PNPLA5: variants seen among roughly 807,000 people sequenced by gnomAD.
PNPLA5 encodes the protein patatin-like phospholipase domain-containing protein 5.
A neutral mutation model predicts 49.1 loss-of-function variants in PNPLA5; 44 were observed. That is an observed-to-expected ratio of 0.90 (90% CI 0.70 to 1.15). PNPLA5 has a LOEUF of 1.15. Ranked by LOEUF, PNPLA5 falls within the 50% of genes most tolerant of loss-of-function variation. The pLI is 0.00. For missense variants in PNPLA5, 603 were observed against 564.0 expected (o/e 1.07, Z -0.70); for synonymous variants, 243 against 244.4 (o/e 0.99, Z 0.06).
intron 8 of PNPLA5, 21 bp downstream of exon 8, chr22:43,881,537 C>T (rs1399065877): frequency 6.4e-7 from 1 of 1,560,968 alleles, no homozygotes; most frequent in Non-Finnish European, 8.7e-7. Flanking sequence ...CCTCTCCATC[C>T]CTGCCCTCTG....
intron 1 of PNPLA5, 30 bp downstream of exon 1, chr22:43,891,658 C>T (rs2049724697): frequency 2.0e-6 from 3 of 1,519,106 alleles, no homozygotes; most frequent in African/African-American, 2.8e-5. Flanking sequence ...CTGTCCCCGC[C>T]CCTTTTCGCC....
At chr22:43,889,301 T>C in intron 4 of PNPLA5, 28 bp downstream of exon 4, 1 of 1,611,568 alleles carries the variant, frequency 6.2e-7, no homozygotes, top group South Asian at 1.1e-5. Context: ...TGGCCAAGCC[T>C]CTAACACCAT....
At chr22:43,891,483 CAG>C (rs1434671503) in intron 1 of PNPLA5, 189 bp from the exon 2 acceptor site, 1 of 925,878 alleles carries the variant, frequency 1.1e-6, no homozygotes, top group Non-Finnish European at 1.3e-6. Flanking sequence ...ACCTGGGAAA[CAG>C]AGTTTCTGGC....
chr22:43,891,329 C>A, intron 1 of PNPLA5, 35 bp from the exon 2 acceptor site: 7 of 1,526,822 alleles, frequency 4.6e-6, no homozygotes, highest in Non-Finnish European at 6.1e-6. Context: ...GACCTCAGCG[C>A]CCAGGGATCC....
In PNPLA5 at chr22:43,891,780, C is replaced by T. The variant is rs748649202; in HGVS notation, c.101G>A (p.Arg34Gln). The T allele has an allele frequency of 1.3e-6, 2 of 1,530,966 alleles. No individual in the cohort carries two copies. Among genetic ancestry groups the T allele is most frequent in the South Asian group, 2.5e-5 (2 of 81,342 alleles). 94.8% of individuals were successfully genotyped at this position (1,530,966 alleles called of 1,614,324 possible). Residue 34 changes from arginine to glutamine, a missense_variant, in exon 1 of 9, where the codon CGA (arginine) becomes CAA (glutamine). Coordinates refer to ENST00000216177, the MANE Select transcript of PNPLA5 (RefSeq NM_138814.4). ...HVGATECLRQ[R>Q]APRLLQGARR... ...GGCGCCCTGGAGGAGGCGCGGGGCT[C>T]GCTGGCGCAGGCATTCGGTGGCGCC...
chr22:43,889,720 T>C (rs1053145109), intron 3 of PNPLA5, 79 bp downstream of exon 3: 2 of 1,539,344 alleles, frequency 1.3e-6, no homozygotes, highest in Non-Finnish European at 1.7e-6. Flanking sequence ...GAGCGCTGGT[T>C]TCCTCCACCC....
At chr22:43,885,969 C>G (rs1369986842) in intron 6 of PNPLA5, among the ~76,000 whole-genome samples, 1 of 152,232 alleles carries the variant, frequency 6.6e-6, no homozygotes, top group African/African-American at 2.4e-5. Context: ...CTTTCCGGGG[C>G]AGTGGGCAAA....
Position 43,886,460 on chromosome 22 carries a change from C to T in PNPLA5, c.792G>A (p.Thr264=), listed in dbSNP as rs764677683. ...RGLTKEPVLW[T]LVSKEPPAPA... ...GGGCTGGGGGTTCCTTAGACACCAGCGTCCATAGCACTGGTTCCTTGGTGA... is the reference window on the plus strand; with the variant it reads ...GGGCTGGGGGTTCCTTAGACACCAGTGTCCATAGCACTGGTTCCTTGGTGA... Residue 264 remains threonine (T), a synonymous_variant, in exon 6 of 9, where the codon ACG becomes ACA. Transcript: ENST00000216177. 4.3e-6 allele frequency: 7 copies of T among 1,613,768 alleles called. No individual in the cohort carries two copies. The highest frequency in any genetic ancestry group is 2.2e-5 in the East Asian group (1 of 44,874).
At position 43,891,070 on chromosome 22, in the gene PNPLA5, G is replaced by A. The variant is rs2071883; in HGVS notation, c.418C>T (p.Leu140Phe). 198,401 of 1,607,232 alleles carry A rather than the reference G, an allele frequency of 0.12. 16,802 individuals carry two copies. Among genetic ancestry groups the A allele is most frequent in the East Asian group, 0.5 (22,272 of 44,404 alleles). The change falls in exon 2 of 9, where the codon CTC becomes TTC. Residue 140 changes from leucine (L) to phenylalanine (F), a missense_variant. Leu to Phe is a conservative substitution (Grantham distance 22). Transcript: ENST00000216177. ...LVTDFATCDELIQALVCTLYF... is the reference protein window; with the variant it reads ...LVTDFATCDEFIQALVCTLYF... ...CACCCCCCGCCCCACACCTGGATGA[G>A]CTCATCGCAGGTGGCGAAGTCAGTG...
At chr22:43,881,766 G>A (rs897664300) in intron 7 of PNPLA5, 92 bp from the exon 8 acceptor site, 1 of 1,516,298 alleles carries the variant, frequency 6.6e-7, no homozygotes, top group Non-Finnish European at 8.8e-7. Flanking sequence ...GCACAGCCGG[G>A]AGCCCTGCTC....
intron 6 of PNPLA5, among the ~76,000 whole-genome samples, chr22:43,886,096 G>A (rs544826756): frequency 6.6e-6 from 1 of 152,314 alleles, no homozygotes; most frequent in Admixed American, 6.5e-5. Flanking sequence ...AAGTGGGTAC[G>A]AATAATGCCT....
rs1318148806 is a variant in PNPLA5 at position 43,891,249 on chromosome 22, C to T, written c.239G>A (p.Arg80Gln). 4 of 1,559,294 alleles carry T rather than the reference C, an allele frequency of 2.6e-6. No individual in the cohort carries two copies. The highest frequency in any genetic ancestry group is 3.5e-6 in the Non-Finnish European group (4 of 1,150,250). The change falls in exon 2 of 9, where the codon CGG becomes CAG. Residue 80 changes from arginine (R) to glutamine (Q), a missense_variant. Arg to Gln is a conservative substitution (Grantham distance 43). Coordinates refer to ENST00000216177, the MANE Select transcript of PNPLA5 (RefSeq NM_138814.4). ...HLLGMVGQLE[R>Q]LSLSILHPAY... Reference sequence around the variant, plus strand: ...CGGGTGCAGGATGCTTAGGCTCAGCCGCTCCAACTGCCCAACCATGCCCAG... The same window carrying T: ...CGGGTGCAGGATGCTTAGGCTCAGCTGCTCCAACTGCCCAACCATGCCCAG...
rs2049598878 is a variant in PNPLA5, at chr22:43,880,640, G to A, written c.*155C>T. 5 of 681,714 alleles carry A rather than the reference G, an allele frequency of 7.3e-6. No individual in the cohort carries two copies. The highest frequency in any genetic ancestry group is 1.9e-5 in the African/African-American group (1 of 53,590). The allele number at this position is 681,714 out of a possible 1,614,324, so 42.2% of individuals were successfully genotyped here. A position where few individuals can be genotyped will look rare whatever the true frequency, so the allele number is the denominator to read the frequency against. On this transcript the variant is annotated 3_prime_UTR_variant, in exon 9 of 9. Transcript: ENST00000216177. The stretch of plus-strand genomic sequence containing the variant: ...GGTACACAGTGACCGGGGACATGCT[G>A]ACAGGCTGCGCCCCAAGGAACGGGC...
At position 43,888,426 on chromosome 22, in the gene PNPLA5, C is replaced by CTT. The variant is rs11408284; in HGVS notation, c.703-777_703-776dup. Among the ~76,000 whole-genome samples the CTT allele has an allele frequency of 1.7e-3, 147 of 84,366 alleles. 20 individuals carry two copies. Among genetic ancestry groups the CTT allele is most frequent in the Non-Finnish European group, 2.5e-3 (114 of 46,514 alleles). 55.3% of individuals were successfully genotyped at this position (84,366 alleles called of 152,430 possible). On this transcript the variant is annotated intron_variant, in intron 4 of 8. Coordinates refer to ENST00000216177, the MANE Select transcript of PNPLA5 (RefSeq NM_138814.4). ...TGTGTGTGTGTTTCTTTCTTTCCTT[C>CTT]TTTTTTTTTTTTTTTTTTTTTTTTT... is the stretch of plus-strand genomic sequence containing the variant.
chr22:43,888,496 A>C (rs1052126834), intron 4 of PNPLA5, among the ~76,000 whole-genome samples: 24 of 134,362 alleles, frequency 1.8e-4, no homozygotes, highest in Admixed American at 1.7e-4. Context: ...GTGTAATGGC[A>C]CTATCTCGGC....
chr22:43,883,818 AAAAGAAAAG>A (rs1300065574), intron 7 of PNPLA5, among the ~76,000 whole-genome samples: 3 of 150,468 alleles, frequency 2.0e-5, no homozygotes, highest in African/African-American at 4.9e-5. Flanking sequence ...CAGAAAAAAA[AAAAGAAAAG>A]AAAAGAAAGA....
At chr22:43,884,419 C>T in intron 6 of PNPLA5, 74 bp from the exon 7 acceptor site, 3 of 1,463,952 alleles carry the variant, frequency 2.0e-6, no homozygotes, top group Non-Finnish European at 1.8e-6. Context: ...CCCCATTTCA[C>T]ACAGTAAGAG....
At chr22:43,886,625 G>T in intron 5 of PNPLA5, 137 bp from the exon 6 acceptor site, 1 of 1,426,144 alleles carries the variant, frequency 7.0e-7, no homozygotes, top group East Asian at 2.5e-5. Context: ...GCTTATTCCG[G>T]ATGACTCCCT....
At chr22:43,883,817 A>AAAAAG (rs1222076517) in intron 7 of PNPLA5, among the ~76,000 whole-genome samples, 7 of 142,066 alleles carry the variant, frequency 4.9e-5, no homozygotes, top group Non-Finnish European at 1.1e-4. Flanking sequence ...TCAGAAAAAA[A>AAAAAG]AAAAGAAAAG....
Sources: allele counts gnomAD v4.1 joint callset (sites outside exome capture counted in the v4.1 genomes callset), GRCh38; gene constraint gnomAD v4.1.1; transcripts MANE v1.5; gene names NCBI Gene and HGNC (gene_info 2026-07-23, HGNC 2026-07-21).